HMG20A: variants seen among roughly 807,000 people sequenced by gnomAD.
HMG20A encodes high mobility group protein 20A.
A neutral mutation model predicts 43.9 loss-of-function variants in HMG20A; 17 were observed. The ratio of observed to expected loss-of-function variants is 0.39; its 90% CI spans 0.27 to 0.58. HMG20A has a LOEUF of 0.58. HMG20A is among the 20% of genes least tolerant of loss of function. HMG20A has a pLI of 0.59. For missense variants in HMG20A, 341 were observed against 438.2 expected (o/e 0.78, Z 1.98); for synonymous variants, 132 against 147.5 (o/e 0.89, Z 0.76).
intron 2 of HMG20A, 62 bp from the exon 3 acceptor site, chr15:77,464,178 A>G: frequency 6.3e-7 from 1 of 1,578,960 alleles, no homozygotes; most frequent in Non-Finnish European, 8.7e-7. Flanking sequence ...AGGGAAATTT[A>G]TCTAGAACCT....
chr15:77,478,285 A>G lies in HMG20A; in HGVS notation c.692-10A>G, dbSNP rs2072874474. ...GTGCTGCATGTGTTCTGTGGGATGT[A>G]TGTCCTCAGCTCGGGAAGCAGAGCT... On this transcript the variant is annotated splice_polypyrimidine_tract_variant and intron_variant, in intron 7 of 9. Coordinates refer to ENST00000336216, the MANE Select transcript of HMG20A (RefSeq NM_001304504.2). 4 of 1,612,822 alleles carry G rather than the reference A, an allele frequency of 2.5e-6. No homozygotes were observed. Among genetic ancestry groups the G allele is most frequent in the Non-Finnish European group, 3.4e-6 (4 of 1,179,864 alleles).
At chr15:77,497,062 A>C in the HMG20A span, among the ~76,000 whole-genome samples, 1 of 152,214 alleles carries the variant, frequency 6.6e-6, no homozygotes, top group African/African-American at 2.4e-5. Flanking sequence ...GAAAGCCGGC[A>C]GCTCTGTTAC....
chr15:77,430,901 T>G (rs948564148), intron 1 of HMG20A, among the ~76,000 whole-genome samples: 5 of 152,056 alleles, frequency 3.3e-5, no homozygotes, highest in Admixed American at 3.3e-4. Flanking sequence ...GGAGAGAAAG[T>G]TAGAAGCAGT....
the HMG20A span, among the ~76,000 whole-genome samples, chr15:77,507,860 G>A: frequency 1.1e-4 from 17 of 151,844 alleles, no homozygotes; most frequent in African/African-American, 3.4e-4. Context: ...GGAGACATGA[G>A]GATGGAAAGC....
At position 77,479,309 on chromosome 15, in the gene HMG20A, T is replaced by C. The variant is rs774632243; in HGVS notation, c.1038T>C (p.Asp346=). The C allele has an allele frequency of 3.7e-6, 6 of 1,613,790 alleles. No homozygotes were observed. In the Admixed American group the frequency reaches 1.0e-4, roughly 27 times the overall value. ...ATVREVVNRL[D]R ...TTCGAGAAGTTGTGAACAGACTCGA[T>C]CGTTAGGGAATGGTGAGTGCTCACT... Residue 346 remains aspartate, a synonymous_variant, in exon 9 of 10, where the codon GAT becomes GAC. Transcript: ENST00000336216.
At chr15:77,470,050 T>A (rs1024871717) in intron 4 of HMG20A, among the ~76,000 whole-genome samples, 1 of 152,184 alleles carries the variant, frequency 6.6e-6, no homozygotes, top group Non-Finnish European at 1.5e-5. Context: ...TAGTATGAAG[T>A]TTTTTCTACT....
chr15:77,428,163 T>TA (rs1483892395), intron 1 of HMG20A, among the ~76,000 whole-genome samples: 1 of 152,220 alleles, frequency 6.6e-6, no homozygotes, highest in African/African-American at 2.4e-5. Flanking sequence ...CTATAGTACA[T>TA]AAACAGAGCG....
Position 77,467,133 on chromosome 15 carries a change from G to A in HMG20A, c.276G>A (p.Lys92=), listed in dbSNP as rs144562040. The A allele has an allele frequency of 6.2e-7, 1 of 1,613,924 alleles. No individual in the cohort carries two copies. Among genetic ancestry groups the A allele is most frequent in the African/African-American group, 1.3e-5 (1 of 74,914 alleles). The change falls in exon 4 of 10, where the codon AAG becomes AAA. Residue 92 remains lysine (K), a synonymous_variant. Transcript: ENST00000336216. Reference sequence around the variant, plus strand: ...GAGGAGGTTGGTCCAAAGGAAGAAAGAGGAAGAAACCTCTTCGAGACAGCA... The same window carrying A: ...GAGGAGGTTGGTCCAAAGGAAGAAAAAGGAAGAAACCTCTTCGAGACAGCA... ...SKRGGWSKGR[K]RKKPLRDSNA...
chr15:77,490,983 G>A, the HMG20A span, among the ~76,000 whole-genome samples: 67 of 152,344 alleles, frequency 4.4e-4, no homozygotes, highest in African/African-American at 1.6e-3. Context: ...TACGTTGTGC[G>A]TTGAACTGTG....
chr15:77,462,032 A>G (rs1288014846), intron 2 of HMG20A, among the ~76,000 whole-genome samples: 1 of 152,138 alleles, frequency 6.6e-6, no homozygotes, highest in Non-Finnish European at 1.5e-5. Flanking sequence ...AAAATCATCT[A>G]TTATGTTTCC....
intron 9 of HMG20A, chr15:77,479,572 C>A: frequency 3.0e-6 from 1 of 338,136 alleles, no homozygotes. Context: ...CCAGAGAGAT[C>A]CTGTCTCTAA....
the HMG20A span, among the ~76,000 whole-genome samples, chr15:77,509,888 A>G: frequency 6.7e-6 from 1 of 148,164 alleles, no homozygotes; most frequent in Non-Finnish European, 1.5e-5. Context: ...GCCTGGCGAC[A>G]GAGCAAGACT....
chr15:77,512,465 A>G, the HMG20A span, among the ~76,000 whole-genome samples: 1 of 152,188 alleles, frequency 6.6e-6, no homozygotes, highest in African/African-American at 2.4e-5. Flanking sequence ...AAAGGACACA[A>G]CAGCCAACTT....
intron 4 of HMG20A, among the ~76,000 whole-genome samples, chr15:77,469,430 T>C (rs1251340578): frequency 6.6e-6 from 1 of 151,986 alleles, no homozygotes; most frequent in Non-Finnish European, 1.5e-5. Flanking sequence ...TACTGCAACC[T>C]TGACCTCCTG....
intron 1 of HMG20A, among the ~76,000 whole-genome samples, chr15:77,456,946 A>T: frequency 6.6e-6 from 1 of 152,216 alleles, no homozygotes; most frequent in East Asian, 1.9e-4. Flanking sequence ...TCTTGAAGGA[A>T]CTGAAAAGAG....
At chr15:77,477,360 ATACTT>A (rs2072865713) in intron 6 of HMG20A, among the ~76,000 whole-genome samples, 190 bp from the exon 7 acceptor site, 1 of 152,246 alleles carries the variant, frequency 6.6e-6, no homozygotes, top group Admixed American at 6.5e-5. Flanking sequence ...AGAGAAGTGA[ATACTT>A]TACCTGCTTA....
intron 9 of HMG20A, chr15:77,482,506 T>C (rs971182106): frequency 2.0e-5 from 3 of 152,210 alleles, no homozygotes; most frequent in Non-Finnish European, 4.4e-5. Context: ...AAAAATCTTA[T>C]GTGACTGTAT....
At chr15:77,478,609 C>A in intron 8 of HMG20A, 99 bp downstream of exon 8, 2 of 884,576 alleles carry the variant, frequency 2.3e-6, no homozygotes, top group Non-Finnish European at 1.8e-6. Context: ...AGATTGAAAT[C>A]TCCTCCAGAG....
intron 7 of HMG20A, 132 bp from the exon 8 acceptor site, chr15:77,478,163 A>C (rs1366737363): frequency 1.3e-6 from 1 of 767,254 alleles, no homozygotes; most frequent in Admixed American, 2.0e-5. Flanking sequence ...GGAATGCCAT[A>C]ATGAGAATAG....
Sources: allele counts gnomAD v4.1 joint callset (sites outside exome capture counted in the v4.1 genomes callset), GRCh38; gene constraint gnomAD v4.1.1; transcripts MANE v1.5; gene names NCBI Gene and HGNC (gene_info 2026-07-23, HGNC 2026-07-21).